The following SYT1 variants were observed in gnomAD, a reference collection of about 807,000 sequenced individuals.
The protein encoded by SYT1 is synaptotagmin 1.
A neutral mutation model predicts 44.8 loss-of-function variants in SYT1; 8 were observed. That is an observed-to-expected ratio of 0.18 (90% CI 0.10 to 0.32). The LOEUF is 0.32. SYT1 is among the 10% of genes least tolerant of loss of function. SYT1 has a pLI of 1.00. For missense variants in SYT1, 286 were observed against 509.3 expected, an observed-to-expected ratio of 0.56 and a Z score of 4.22; for synonymous variants, 154 against 188.8, an observed-to-expected ratio of 0.82 and a Z score of 1.51.
intron 4 of SYT1, among the ~76,000 whole-genome samples, chr12:79,240,674 T>A (rs1036062292): frequency 2.6e-5 from 4 of 152,078 alleles, no homozygotes; most frequent in Admixed American, 6.6e-5. Context: ...AATAAAAAAA[T>A]GATTAGGAAG....
intron 1 of SYT1, among the ~76,000 whole-genome samples, chr12:78,874,881 T>G (rs1309133627): frequency 6.6e-6 from 1 of 151,744 alleles, no homozygotes; most frequent in Non-Finnish European, 1.5e-5. Context: ...TTAATTCTAG[T>G]TATGTCCTTG....
intron 3 of SYT1, among the ~76,000 whole-genome samples, chr12:79,073,896 T>A (rs1315241454): frequency 2.0e-5 from 3 of 152,174 alleles, no homozygotes; most frequent in Non-Finnish European, 2.9e-5. Context: ...CAAAGCAATG[T>A]CTGCTGCAAG....
chr12:79,257,414 A>G (rs1877581616), intron 4 of SYT1, among the ~76,000 whole-genome samples: 2 of 152,250 alleles, frequency 1.3e-5, no homozygotes, highest in Admixed American at 6.5e-5. Context: ...GTGCAGAACA[A>G]AAAGAAGCCA....
intron 8 of SYT1, among the ~76,000 whole-genome samples, chr12:79,314,142 C>A (rs2138950470): frequency 7.4e-6 from 1 of 134,610 alleles, no homozygotes; most frequent in Admixed American, 8.1e-5. Flanking sequence ...GCACTCCAGC[C>A]TGGGCGACAG....
intron 8 of SYT1, among the ~76,000 whole-genome samples, chr12:79,306,327 T>C (rs1480904411): frequency 6.6e-6 from 1 of 152,242 alleles, no homozygotes; most frequent in Non-Finnish European, 1.5e-5. Context: ...CCAGTCCCTC[T>C]CTCCAAGTAT....
intron 2 of SYT1, among the ~76,000 whole-genome samples, chr12:79,014,309 G>T (rs1871647699): frequency 6.6e-6 from 1 of 151,902 alleles, no homozygotes; most frequent in Non-Finnish European, 1.5e-5. Context: ...ATGATTCCCA[G>T]TCTTTTCAAA....
intron 3 of SYT1, among the ~76,000 whole-genome samples, chr12:79,054,338 C>G (rs557862703): frequency 5.9e-5 from 9 of 152,062 alleles, no homozygotes; most frequent in African/African-American, 2.2e-4. Flanking sequence ...TTGCATCATG[C>G]ATATTTGTCC....
chr12:79,045,269 C>T (rs769093100), intron 2 of SYT1, among the ~76,000 whole-genome samples: 10 of 152,252 alleles, frequency 6.6e-5, no homozygotes, highest in South Asian at 2.1e-4. Context: ...TAGCAATCAG[C>T]GAGACTACGT....
chr12:79,005,831 T>C (rs1196696943), intron 2 of SYT1, among the ~76,000 whole-genome samples: 1 of 152,108 alleles, frequency 6.6e-6, no homozygotes, highest in African/African-American at 2.4e-5. Flanking sequence ...ATTGAAGGTA[T>C]ATATGTCATG....
chr12:79,224,744 TTTATTTTTTATTATTATTATTATTA>T (rs1256259945), intron 4 of SYT1, among the ~76,000 whole-genome samples: 8,777 of 145,750 alleles, frequency 0.06, 365 homozygotes, highest in African/African-American at 0.1. Context: ...TTTTTATTTA[TTTATTTTTTATTATTATTATTATTA>T]TTATTATTAT....
chr12:79,328,371 C>G (rs17005464), intron 8 of SYT1, among the ~76,000 whole-genome samples: 9,278 of 152,174 alleles, frequency 0.061, 466 homozygotes, highest in African/African-American at 0.14. Flanking sequence ...TGGACATGTT[C>G]ATTAAAACAG....
intron 2 of SYT1, among the ~76,000 whole-genome samples, chr12:79,007,749 G>A (rs1421580272): frequency 6.6e-6 from 1 of 152,090 alleles, no homozygotes; most frequent in African/African-American, 2.4e-5. Flanking sequence ...GTGAATAGTA[G>A]ATTTGAGAGC....
intron 10 of SYT1, among the ~76,000 whole-genome samples, chr12:79,446,715 GGACA>G (rs2136207513): frequency 6.6e-6 from 1 of 152,194 alleles, no homozygotes; most frequent in Non-Finnish European, 1.5e-5. Context: ...TAAATGCAGA[GGACA>G]CTGGTTCCCT....
At chr12:78,917,760 A>G (rs537417867) in intron 1 of SYT1, among the ~76,000 whole-genome samples, 1 of 152,104 alleles carries the variant, frequency 6.6e-6, no homozygotes, top group South Asian at 2.1e-4. Context: ...CTTGACTCAT[A>G]TTGAATTTAA....
chr12:79,355,245 G>A (rs1427669854), intron 9 of SYT1, among the ~76,000 whole-genome samples: 1 of 152,132 alleles, frequency 6.6e-6, no homozygotes. Context: ...GGGGCTTACA[G>A]TCATATAATG....
At chr12:78,973,941 ATATATATATATATATATAT>A (rs1868616236) in intron 1 of SYT1, among the ~76,000 whole-genome samples, 8 of 10,748 alleles carry the variant, frequency 7.4e-4, no homozygotes, top group Admixed American at 1.7e-3. Context: ...AAAAAAAAAT[ATATATATATATATATATAT>A]ATATATATAT....
At chr12:79,168,779 G>A (rs1460320298) in intron 3 of SYT1, among the ~76,000 whole-genome samples, 1 of 152,030 alleles carries the variant, frequency 6.6e-6, no homozygotes. Flanking sequence ...AAAATGAGAT[G>A]AGAGGGTAAT....
At chr12:79,353,676 A>C (rs973013517) in intron 9 of SYT1, 57 bp downstream of exon 9, 32 of 1,256,908 alleles carry the variant, frequency 2.5e-5, no homozygotes, top group African/African-American at 5.9e-5. Flanking sequence ...TGGATACCAA[A>C]TGCATGGCGC....
intron 1 of SYT1, among the ~76,000 whole-genome samples, chr12:78,894,348 T>G (rs1451044710): frequency 1.5e-5 from 2 of 129,256 alleles, no homozygotes; most frequent in Admixed American, 7.9e-5. Context: ...TTTTTTTTTT[T>G]TTTTTTTTTT....
Sources: allele counts gnomAD v4.1 joint callset (sites outside exome capture counted in the v4.1 genomes callset), GRCh38; gene constraint gnomAD v4.1.1; transcripts MANE v1.5; gene names NCBI Gene and HGNC (gene_info 2026-07-23, HGNC 2026-07-21).